Variants in FHIT observed in about 807,000 individuals in gnomAD.
The protein encoded by FHIT is bis(5'-adenosyl)-triphosphatase.
Under a neutral mutation model 17.9 loss-of-function variants are expected in FHIT, and 19 were observed. The observed-to-expected ratio is 1.06, with a 90% CI of 0.74 to 1.56. The LOEUF (loss-of-function observed/expected upper bound fraction) is 1.56, where lower values mean the gene tolerates loss of function less well. Among genes scored for constraint, FHIT ranks in the 40% most tolerant of loss-of-function variants. FHIT has a pLI of 0.00. For synonymous variants in FHIT, 81 were observed against 69.7 expected (o/e 1.16, Z -0.81); for missense variants, 248 against 189.2 (o/e 1.31, Z -1.82).
intron 5 of FHIT, among the ~76,000 whole-genome samples, chr3:60,146,159 T>C (rs1294336212): frequency 6.6e-6 from 1 of 151,612 alleles, no homozygotes; most frequent in Non-Finnish European, 1.5e-5. Context: ...GGAATAGAGG[T>C]TAATTTGCTC....
chr3:60,014,421 G>A (rs1448800623), intron 5 of FHIT, among the ~76,000 whole-genome samples: 1 of 152,232 alleles, frequency 6.6e-6, no homozygotes, highest in East Asian at 1.9e-4. Flanking sequence ...ACAGACTCAA[G>A]TGTATGGTGA....
intron 4 of FHIT, among the ~76,000 whole-genome samples, chr3:60,727,029 A>G (rs1482646687): frequency 6.6e-6 from 1 of 152,174 alleles, no homozygotes; most frequent in East Asian, 1.9e-4. Context: ...TTTCCTCCCA[A>G]TACAGAAACA....
intron 4 of FHIT, among the ~76,000 whole-genome samples, chr3:60,669,745 G>A (rs1318314412): frequency 6.6e-6 from 1 of 152,156 alleles, no homozygotes; most frequent in Non-Finnish European, 1.5e-5. Context: ...CTCAGGCAGG[G>A]AATGCCATGG....
intron 5 of FHIT, among the ~76,000 whole-genome samples, chr3:60,405,995 A>C (rs1230968038): frequency 1.3e-5 from 2 of 152,228 alleles, no homozygotes; most frequent in Non-Finnish European, 2.9e-5. Context: ...TGTAAAATTC[A>C]TAGAGTATAG....
intron 2 of FHIT, among the ~76,000 whole-genome samples, chr3:61,141,491 GC>G (rs1226260481): frequency 6.6e-6 from 1 of 152,078 alleles, no homozygotes; most frequent in Non-Finnish European, 1.5e-5. Context: ...AAATTCTGTA[GC>G]CCAGAGAGAT....
rs189352025 is a variant in FHIT, at chr3:60,961,032, A to G, written c.-111+81015T>C. Among the ~76,000 whole-genome samples, 9 of 152,334 alleles carry G rather than the reference A, an allele frequency of 5.9e-5. No individual in the cohort carries two copies. In the South Asian group the frequency reaches 6.2e-4, roughly 11 times the overall value. On this transcript the variant is annotated intron_variant, in intron 3 of 9. Coordinates refer to ENST00000492590, the MANE Select transcript of FHIT (RefSeq NM_002012.4). ...CACTGTCTTCCACAATGGTTGAACT[A>G]GTTTACAGTCCCACCAACAGTGTAA...
chr3:60,898,620 G>C (rs2107211770), intron 3 of FHIT, among the ~76,000 whole-genome samples: 1 of 152,288 alleles, frequency 6.6e-6, no homozygotes, highest in African/African-American at 2.4e-5. Context: ...CCAAAACTCT[G>C]TAAACCTGTT....
intron 5 of FHIT, among the ~76,000 whole-genome samples, chr3:60,265,759 G>A (rs1218157516): frequency 6.6e-6 from 1 of 151,526 alleles, no homozygotes; most frequent in Non-Finnish European, 1.5e-5. Flanking sequence ...TTTTTAAATG[G>A]GTAAAGGTTT....
At chr3:60,601,895 AT>A (rs2038455287) in intron 4 of FHIT, among the ~76,000 whole-genome samples, 1 of 151,298 alleles carries the variant, frequency 6.6e-6, no homozygotes, top group Non-Finnish European at 1.5e-5. Context: ...TTACATACCA[AT>A]AAAAACTTAA....
chr3:61,174,491 G>A (rs2038098943), intron 2 of FHIT, among the ~76,000 whole-genome samples: 1 of 152,186 alleles, frequency 6.6e-6, no homozygotes, highest in African/African-American at 2.4e-5. Context: ...CATCTGCGTT[G>A]GCAAATTTGA....
chr3:60,721,539 A>C (rs2107964666), intron 4 of FHIT, among the ~76,000 whole-genome samples: 1 of 152,296 alleles, frequency 6.6e-6, no homozygotes, highest in South Asian at 2.1e-4. Context: ...AATTGTTATA[A>C]AAGGAACAGA....
intron 3 of FHIT, among the ~76,000 whole-genome samples, chr3:60,926,517 A>C (rs567821252): frequency 1.2e-4 from 19 of 152,342 alleles, no homozygotes; most frequent in African/African-American, 4.3e-4. Context: ...ATGAGAACAA[A>C]GACACAACAT....
intron 3 of FHIT, among the ~76,000 whole-genome samples, chr3:60,943,835 G>A (rs1559851987): frequency 6.6e-6 from 1 of 152,086 alleles, no homozygotes; most frequent in Admixed American, 6.5e-5. Flanking sequence ...ATATAACACA[G>A]AAAATCCCCA....
intron 3 of FHIT, among the ~76,000 whole-genome samples, chr3:60,984,343 A>C (rs1710624586): frequency 6.6e-6 from 1 of 152,212 alleles, no homozygotes; most frequent in Non-Finnish European, 1.5e-5. Context: ...TTAAGCTTTG[A>C]CATTAATTAC....
intron 8 of FHIT, among the ~76,000 whole-genome samples, chr3:59,834,585 T>C (rs779075238): frequency 1.4e-4 from 22 of 152,290 alleles, no homozygotes; most frequent in Admixed American, 2.0e-4. Context: ...TTCCAGGTTG[T>C]AGATTGTCAA....
chr3:60,084,382 T>C (rs554009193), intron 5 of FHIT, among the ~76,000 whole-genome samples: 34 of 152,304 alleles, frequency 2.2e-4, no homozygotes, highest in African/African-American at 7.2e-4. Flanking sequence ...AGAGGTGCTA[T>C]TGTCAAGCAA....
At chr3:60,950,490 T>C (rs9864174) in intron 3 of FHIT, among the ~76,000 whole-genome samples, 4 of 147,462 alleles carry the variant, frequency 2.7e-5, no homozygotes, top group Non-Finnish European at 5.9e-5. Flanking sequence ...TTTTTCTTTT[T>C]TTTTTTTTGA....
intron 5 of FHIT, among the ~76,000 whole-genome samples, chr3:60,153,641 C>G (rs7642454): frequency 0.52 from 79,666 of 152,060 alleles, 21,924 homozygotes; most frequent in Non-Finnish European, 0.61. Context: ...GATAGAATTA[C>G]GTCCAAAAGT....
At chr3:61,014,634 G>A (rs1012839014) in intron 3 of FHIT, among the ~76,000 whole-genome samples, 2 of 150,956 alleles carry the variant, frequency 1.3e-5, no homozygotes, top group African/African-American at 4.9e-5. Flanking sequence ...AAAAAAATTA[G>A]CCAGGCGTGG....
Sources: allele counts gnomAD v4.1 joint callset (sites outside exome capture counted in the v4.1 genomes callset), GRCh38; gene constraint gnomAD v4.1.1; transcripts MANE v1.5; gene names NCBI Gene and HGNC (gene_info 2026-07-23, HGNC 2026-07-21).